Variants in IGSF21 observed in about 807,000 individuals in gnomAD.
IGSF21 encodes the protein immunoglobulin superfamily member 21.
Under a neutral mutation model 46.8 loss-of-function variants are expected in IGSF21, and 28 were observed. The ratio of observed to expected loss-of-function variants is 0.60; its 90% CI spans 0.44 to 0.82. The LOEUF (loss-of-function observed/expected upper bound fraction) is 0.82. IGSF21 is among the 40% of genes least tolerant of loss of function. The pLI is 0.00. For missense variants in IGSF21, 624 were observed against 665.5 expected (o/e 0.94, Z 0.69); for synonymous variants, 284 against 273.6 (o/e 1.04, Z -0.38).
chr1:18,165,860 G>A (rs1028831195), intron 1 of IGSF21, among the ~76,000 whole-genome samples: 2 of 152,148 alleles, frequency 1.3e-5, no homozygotes, highest in African/African-American at 4.8e-5. Flanking sequence ...CATTCCACAA[G>A]TTACTTCCTC....
At chr1:18,271,871 A>T (rs1170377974) in intron 2 of IGSF21, among the ~76,000 whole-genome samples, 1 of 152,126 alleles carries the variant, frequency 6.6e-6, no homozygotes, top group East Asian at 1.9e-4. Flanking sequence ...GCACCTTGAG[A>T]GGCTAGGGAT....
At chr1:18,238,756 C>T (rs1426217808) in intron 2 of IGSF21, among the ~76,000 whole-genome samples, 1 of 152,164 alleles carries the variant, frequency 6.6e-6, no homozygotes, top group Non-Finnish European at 1.5e-5. Context: ...GGATAACACA[C>T]TGATGGCTCA....
intron 1 of IGSF21, among the ~76,000 whole-genome samples, chr1:18,178,469 A>G (rs574583431): frequency 8.5e-5 from 13 of 152,304 alleles, no homozygotes; most frequent in African/African-American, 2.9e-4. Flanking sequence ...CAGTTTCTGC[A>G]TCTGTGAAGT....
At chr1:18,377,930 C>A (rs2086301835) in intron 9 of IGSF21, among the ~76,000 whole-genome samples, 1 of 152,190 alleles carries the variant, frequency 6.6e-6, no homozygotes. Context: ...CTGAGCACCA[C>A]CCCAGGGGGC....
chr1:18,258,650 C>A (rs1233288071), intron 2 of IGSF21, among the ~76,000 whole-genome samples: 1 of 152,184 alleles, frequency 6.6e-6, no homozygotes, highest in Non-Finnish European at 1.5e-5. Context: ...GAGCTCAGAC[C>A]TGCATTCAAA....
Position 18,108,210 on chromosome 1 carries a change from G to A in IGSF21, c.70+12G>A, listed in dbSNP as rs2086109583. 7.3e-7 allele frequency: 1 copy of A among 1,379,230 alleles called. No homozygotes were observed. The highest frequency in any genetic ancestry group is 1.6e-5 in the South Asian group (1 of 60,786). The allele number at this position is 1,379,230 out of a possible 1,614,324, so 85.4% of individuals were successfully genotyped here. On this transcript the variant is annotated intron_variant, in intron 1 of 9. Transcript: ENST00000251296. ...GGACCTGGCGCGCGGTGAGTGCGCGGGCGCCTGGCGGGAGCCGAGCGGTGA... is the reference window on the plus strand; with the variant it reads ...GGACCTGGCGCGCGGTGAGTGCGCGAGCGCCTGGCGGGAGCCGAGCGGTGA...
intron 1 of IGSF21, among the ~76,000 whole-genome samples, chr1:18,136,017 G>C (rs572185666): frequency 6.6e-6 from 1 of 152,338 alleles, no homozygotes; most frequent in South Asian, 2.1e-4. Context: ...GGCCAGTGAT[G>C]ATGAGCATTT....
At chr1:18,141,446 A>G (rs528084165) in intron 1 of IGSF21, among the ~76,000 whole-genome samples, 78 of 152,316 alleles carry the variant, frequency 5.1e-4, no homozygotes, top group Middle Eastern at 3.4e-3. Context: ...GTTGGCTGTC[A>G]TCAAGTTCTC....
intron 1 of IGSF21, among the ~76,000 whole-genome samples, chr1:18,179,535 A>G (rs1320385554): frequency 1.3e-5 from 2 of 152,196 alleles, no homozygotes; most frequent in East Asian, 3.9e-4. Flanking sequence ...ATTCATTATT[A>G]TTTTATTCAT....
intron 1 of IGSF21, among the ~76,000 whole-genome samples, chr1:18,122,951 G>A (rs1265029972): frequency 5.3e-5 from 8 of 152,134 alleles, no homozygotes; most frequent in Non-Finnish European, 1.0e-4. Flanking sequence ...TTCATATTAA[G>A]ATAAATATGT....
intron 3 of IGSF21, among the ~76,000 whole-genome samples, chr1:18,306,106 A>G (rs989444377): frequency 6.6e-6 from 1 of 152,092 alleles, no homozygotes; most frequent in African/African-American, 2.4e-5. Flanking sequence ...GAAGCCCTCC[A>G]TGGGCTTCCC....
At chr1:18,120,295 G>T (rs1243417750) in intron 1 of IGSF21, among the ~76,000 whole-genome samples, 1 of 152,244 alleles carries the variant, frequency 6.6e-6, no homozygotes, top group African/African-American at 2.4e-5. Context: ...CAGCCAGGCG[G>T]CCCTGTGTAG....
intron 1 of IGSF21, among the ~76,000 whole-genome samples, chr1:18,212,281 T>C (rs2124491908): frequency 6.6e-6 from 1 of 152,292 alleles, no homozygotes; most frequent in Non-Finnish European, 1.5e-5. Flanking sequence ...TGGCGTGACT[T>C]ATTCAGGGTT....
At chr1:18,367,264 A>T (rs1296156734) in intron 6 of IGSF21, among the ~76,000 whole-genome samples, 3 of 152,200 alleles carry the variant, frequency 2.0e-5, no homozygotes. Context: ...CCTCAGTATC[A>T]AATACCAAAG....
chr1:18,329,869 C>T (rs2085695188), intron 3 of IGSF21, among the ~76,000 whole-genome samples: 2 of 152,246 alleles, frequency 1.3e-5, no homozygotes, highest in Non-Finnish European at 2.9e-5. Flanking sequence ...GCTTGCATGG[C>T]CTTACCTAGT....
chr1:18,257,523 G>T (rs752407745), intron 2 of IGSF21, among the ~76,000 whole-genome samples: 1 of 152,236 alleles, frequency 6.6e-6, no homozygotes, highest in Admixed American at 6.5e-5. Flanking sequence ...CAGAGAGACC[G>T]TATGTCAAGT....
chr1:18,362,160 C>T lies in IGSF21; in HGVS notation c.470C>T (p.Pro157Leu). The T allele has an allele frequency of 6.2e-7, 1 of 1,613,048 alleles. No individual in the cohort carries two copies. Among genetic ancestry groups the T allele is most frequent in the Non-Finnish European group, 8.5e-7 (1 of 1,179,704 alleles). The change falls in exon 5 of 10, where the codon CCC becomes CTC. Residue 157 changes from proline (P) to leucine (L), a missense_variant. By Grantham distance (98) the Pro-to-Leu change is moderately conservative. Transcript: ENST00000251296. ...GTGGTGGCTGCTGACACACCAGCCC[C>T]CTTCAGCCGCTACCAAGCCCAGAAC... ...IEVVAADTPA[P>L]FSRYQAQNFT... is the part of the protein sequence containing the mutation.
At chr1:18,205,637 G>A (rs771288637) in intron 1 of IGSF21, among the ~76,000 whole-genome samples, 4 of 152,156 alleles carry the variant, frequency 2.6e-5, no homozygotes, top group African/African-American at 7.2e-5. Flanking sequence ...CTGCCCAAGC[G>A]TTTGATTTTA....
intron 1 of IGSF21, chr1:18,112,313 G>T (rs952917615): frequency 3.3e-5 from 5 of 152,178 alleles, no homozygotes; most frequent in African/African-American, 1.2e-4. Context: ...TGGGAAAACG[G>T]CCCTGAGCTT....
Sources: allele counts gnomAD v4.1 joint callset (sites outside exome capture counted in the v4.1 genomes callset), GRCh38; gene constraint gnomAD v4.1.1; transcripts MANE v1.5; gene names NCBI Gene and HGNC (gene_info 2026-07-23, HGNC 2026-07-21).